The following CUL7 variants were observed in gnomAD, a reference collection of about 807,000 sequenced individuals.
The protein encoded by CUL7 is cullin-7.
Under a neutral mutation model 177.7 loss-of-function variants are expected in CUL7, and 96 were observed. The observed-to-expected ratio is 0.54, with a 90% confidence interval of 0.46 to 0.64. The LOEUF (loss-of-function observed/expected upper bound fraction) is 0.64, where lower values mean the gene tolerates loss of function less well. CUL7 is among the 30% of genes least tolerant of loss of function. The pLI is 0.00. For synonymous variants in CUL7, 824 were observed against 890.2 expected (o/e 0.93, Z 1.32); for missense variants, 1,893 against 2,187.9 (o/e 0.87, Z 2.69).
At chr6:43,048,981 G>A (rs1764174252) in intron 7 of CUL7, among the ~76,000 whole-genome samples, 1 of 151,706 alleles carries the variant, frequency 6.6e-6, no homozygotes, top group African/African-American at 2.4e-5. Flanking sequence ...ACCATGTTAG[G>A]CAGGATGATC....
rs1417070857 is a variant in CUL7, at chr6:43,052,956, G to C, written c.-8-160C>G. Among the ~76,000 whole-genome samples, 1 of 152,196 alleles carries C rather than the reference G, an allele frequency of 6.6e-6. No homozygotes were observed. Among genetic ancestry groups the C allele is most frequent in the African/African-American group, 2.4e-5 (1 of 41,454 alleles). ...CATGCTGCACGCTGGGTGGGGGCAG[G>C]CCTAAGCAGAGAACACTGGGGTGTT... On this transcript the variant is annotated intron_variant, in intron 1 of 25. Coordinates refer to ENST00000265348, the MANE Select transcript of CUL7 (RefSeq NM_014780.5). This position sits in a 1 kb window ranked among gnomAD's most constrained non-coding sequence, Gnocchi z 4.5.
At position 43,040,503 on chromosome 6, in the gene CUL7, T is replaced by C. The variant is rs776120876; in HGVS notation, c.4023+27A>G. 39 of 1,613,542 alleles carry C rather than the reference T, an allele frequency of 2.4e-5. No homozygotes were observed. Among genetic ancestry groups the C allele is most frequent in the Non-Finnish European group, 3.1e-5 (36 of 1,179,988 alleles). ...CGCCCCTCTTCCCCCTACCCTCTTATTTGCTTATCCCTTCCAAGGCACTCA... is the reference window on the plus strand; with the variant it reads ...CGCCCCTCTTCCCCCTACCCTCTTACTTGCTTATCCCTTCCAAGGCACTCA... On this transcript the variant is annotated intron_variant, in intron 21 of 25. Coordinates refer to ENST00000265348, the MANE Select transcript of CUL7 (RefSeq NM_014780.5). The surrounding 1 kb of genome is among the most constrained non-coding windows in gnomAD (Gnocchi z 4.2).
At position 43,042,815 on chromosome 6, in the gene CUL7, A is replaced by G; in HGVS notation, c.3632T>C (p.Leu1211Pro). 1 of 1,612,814 alleles carries G rather than the reference A, an allele frequency of 6.2e-7. No homozygotes were observed. Among genetic ancestry groups the G allele is most frequent in the South Asian group, 1.1e-5 (1 of 90,922 alleles). The change falls in exon 19 of 26, where the codon CTC becomes CCC. Residue 1211 changes from leucine to proline, a missense_variant. This residue lies in a region of CUL7 where 973 missense variants were observed against 1,140.9 expected (regional missense o/e 0.85). Coordinates refer to ENST00000265348, the MANE Select transcript of CUL7 (RefSeq NM_014780.5). Reference protein sequence around the residue: ...CAGALLKLPFLKAAHVSEQFA... With the variant: ...CAGALLKLPFPKAAHVSEQFA... ...GTAGAGGCTTACGTGGGCAGCTTTGAGAAAAGGGAGCTTCAGCAAGGCTCC... is the reference window on the plus strand; with the variant it reads ...GTAGAGGCTTACGTGGGCAGCTTTGGGAAAAGGGAGCTTCAGCAAGGCTCC...
chr6:43,042,657 A>G (rs1420998745), intron 19 of CUL7, 145 bp downstream of exon 19: 4 of 661,290 alleles, frequency 6.0e-6, no homozygotes, highest in Non-Finnish European at 7.9e-6. Flanking sequence ...TATTTTTTTC[A>G]ATTTTTTAAA....
rs772784080 is a variant in CUL7 at position 43,045,548 on chromosome 6, C to A, written c.2862+39G>T. On this transcript the variant is annotated intron_variant, in intron 14 of 25. Transcript: ENST00000265348. This position sits in a 1 kb window ranked among gnomAD's most constrained non-coding sequence, Gnocchi z 4.8. The stretch of plus-strand genomic sequence containing the variant: ...ATCTGCCTGTTTATGGGGCTCAGAG[C>A]CCCCTACCCAGGGCCACACCCCACA... The A allele has an allele frequency of 6.2e-7, 1 of 1,613,390 alleles. No individual in the cohort carries two copies. The highest frequency in any genetic ancestry group is 1.7e-5 in the Admixed American group (1 of 60,006).
In CUL7 at chr6:43,052,667, C is replaced by T. The variant is rs773144595; in HGVS notation, c.122G>A (p.Arg41His). 7.4e-6 allele frequency: 12 copies of T among 1,614,070 alleles called. 1 individual carries two copies. Among genetic ancestry groups the T allele is most frequent in the Non-Finnish European group, 1.0e-5 (12 of 1,180,056 alleles). ...GHDGHPEYQIRWLILRRGDEG... is the reference protein window; with the variant it reads ...GHDGHPEYQIHWLILRRGDEG... ...ATCGCCACGCCGCAGGATGAGCCAA[C>T]GGATCTGGTACTCAGGATGCCCATC... The change falls in exon 2 of 26, where the codon CGT (arginine) becomes CAT (histidine). Residue 41 changes from arginine to histidine, a missense_variant. Arg to His is a conservative substitution (Grantham distance 29). Transcript: ENST00000265348. The surrounding 1 kb of genome is among the most constrained non-coding windows in gnomAD (Gnocchi z 4.5).
rs766404282 is a variant in CUL7, at chr6:43,052,421, C to T, written c.368G>A (p.Arg123Gln). Residue 123 changes from arginine to glutamine, a missense_variant, in exon 2 of 26, where the codon CGG becomes CAG. Around this residue, in one of 5 missense-constraint regions of CUL7, gnomAD observed 653 missense variants for 725.2 expected, o/e 0.90. Transcript: ENST00000265348. This position sits in a 1 kb window ranked among gnomAD's most constrained non-coding sequence, Gnocchi z 4.5. ...DVKSLIQRAL[R>Q]QLEECVGTIP... is the part of the protein sequence containing the mutation. ...AGTGCCCACACACTCCTCCAGCTGCCGAAGGGCTCTCTGAATGAGGGACTT... is the reference window on the plus strand; with the variant it reads ...AGTGCCCACACACTCCTCCAGCTGCTGAAGGGCTCTCTGAATGAGGGACTT... 9.3e-6 allele frequency: 15 copies of T among 1,614,062 alleles called. No individual in the cohort carries two copies. Among genetic ancestry groups the T allele is most frequent in the East Asian group, 6.7e-5 (3 of 44,888 alleles).
rs1367225625 is a variant in CUL7 at position 43,037,913 on chromosome 6, G to A, written c.4872C>T (p.Cys1624=). 5 of 1,611,570 alleles carry A rather than the reference G, an allele frequency of 3.1e-6. No homozygotes were observed. Among genetic ancestry groups the A allele is most frequent in the African/African-American group, 1.3e-5 (1 of 74,852 alleles). The change falls in exon 26 of 26, where the codon TGC becomes TGT. Residue 1624 remains cysteine, a synonymous_variant. Transcript: ENST00000265348. ...SACSSTDVLS[C]ILHLLGKGTL... ...TGCCCTTGCCCAGGAGGTGTAGGATGCAGGAGAGGACGTCAGTGCTGCTGC... is the reference window on the plus strand; with the variant it reads ...TGCCCTTGCCCAGGAGGTGTAGGATACAGGAGAGGACGTCAGTGCTGCTGC...
chr6:43,042,401 C>A (rs190669196), intron 19 of CUL7, among the ~76,000 whole-genome samples: 84 of 152,016 alleles, frequency 5.5e-4, no homozygotes, highest in Non-Finnish European at 1.0e-3. Flanking sequence ...GTGGTGCAAT[C>A]TCGGCTGACT....
chr6:43,043,769 C>T lies in CUL7; in HGVS notation c.3173-139G>A. The T allele has an allele frequency of 1.4e-6, 1 of 705,608 alleles. No homozygotes were observed. Among genetic ancestry groups the T allele is most frequent in the Admixed American group, 2.0e-5 (1 of 49,252 alleles). 43.7% of individuals were successfully genotyped at this position (705,608 alleles called of 1,614,324 possible). A position where few individuals can be genotyped will look rare whatever the true frequency, so the allele number is the denominator to read the frequency against. On this transcript the variant is annotated intron_variant, in intron 16 of 25. Coordinates refer to ENST00000265348, the MANE Select transcript of CUL7 (RefSeq NM_014780.5). The surrounding 1 kb of genome is among the most constrained non-coding windows in gnomAD (Gnocchi z 4.2). ...GGGGGCCAGGTAGGGTGGTTTACGC[C>T]TGTAATCCCAGCACTTTGGGAGGCT...
In CUL7 at chr6:43,040,842, C is replaced by A. The variant is rs1763351196; in HGVS notation, c.3806+73G>T. ...TCCAGCCTGCCTCTATCCCAGACTTCCAGGCCCATGAGCTGGCTCTGCCAC... is the reference window on the plus strand; with the variant it reads ...TCCAGCCTGCCTCTATCCCAGACTTACAGGCCCATGAGCTGGCTCTGCCAC... On this transcript the variant is annotated intron_variant, in intron 20 of 25. Transcript: ENST00000265348. The surrounding 1 kb of genome is among the most constrained non-coding windows in gnomAD (Gnocchi z 4.2). 6.2e-7 allele frequency: 1 copy of A among 1,602,796 alleles called. No individual in the cohort carries two copies.
At chr6:43,038,778 T>C in intron 23 of CUL7, 64 bp downstream of exon 23, 1 of 1,613,110 alleles carries the variant, frequency 6.2e-7, no homozygotes, top group Non-Finnish European at 8.5e-7. Context: ...GGAGTCAAGG[T>C]TTTGGGAAGA....
At position 43,038,194 on chromosome 6, in the gene CUL7, C is replaced by T. The variant is rs561060076; in HGVS notation, c.4773+73G>A. On this transcript the variant is annotated intron_variant, in intron 25 of 25. Transcript: ENST00000265348. ...AACCAGGTGCCTCACCACACGTGCACCCACCTTGTCCTGTAGACTGCTCCC... is the reference window on the plus strand; with the variant it reads ...AACCAGGTGCCTCACCACACGTGCATCCACCTTGTCCTGTAGACTGCTCCC... 21 of 1,558,912 alleles carry T rather than the reference C, an allele frequency of 1.3e-5. No individual in the cohort carries two copies. In the African/African-American group the frequency reaches 1.9e-4, roughly 14 times the overall value.
chr6:43,048,219 G>A lies in CUL7; in HGVS notation c.2098C>T (p.Leu700=). ...LKQLVDFPEA[L]LLPWHEAVDA... ...ACGGCCTCGTGCCAGGGGAGCAGCA[G>A]TGCCTCGGGGAAGTCCACCAGCTGC... Residue 700 remains leucine, a synonymous_variant, in exon 9 of 26, where the codon CTG becomes TTG. Coordinates refer to ENST00000265348, the MANE Select transcript of CUL7 (RefSeq NM_014780.5). 1 of 1,614,090 alleles carries A rather than the reference G, an allele frequency of 6.2e-7. No individual in the cohort carries two copies. Among genetic ancestry groups the A allele is most frequent in the Non-Finnish European group, 8.5e-7 (1 of 1,179,936 alleles).
Position 43,050,154 on chromosome 6 carries a change from G to A in CUL7, c.1378C>T (p.Pro460Ser), listed in dbSNP as rs1204304731. 2.5e-6 allele frequency: 4 copies of A among 1,614,092 alleles called. No individual in the cohort carries two copies. The highest frequency in any genetic ancestry group is 3.4e-6 in the Non-Finnish European group (4 of 1,180,052). The change falls in exon 6 of 26, where the codon CCT becomes TCT. Residue 460 changes from proline to serine, a missense_variant. This residue lies in a region of CUL7 where 653 missense variants were observed against 725.2 expected (regional missense o/e 0.90). Coordinates refer to ENST00000265348, the MANE Select transcript of CUL7 (RefSeq NM_014780.5). The surrounding 1 kb of genome is among the most constrained non-coding windows in gnomAD (Gnocchi z 4.1). ...GTCATGGGCCTCCAGCGCCAGGCAGGCAGGGCTGTGAAAATGGGCCAAGGG... is the reference window on the plus strand; with the variant it reads ...GTCATGGGCCTCCAGCGCCAGGCAGACAGGGCTGTGAAAATGGGCCAAGGG... ...VASRVLGRAL[P>S]AWRWRPMTEL...
intron 19 of CUL7, 160 bp from the exon 20 acceptor site, chr6:43,041,235 C>A: frequency 1.5e-6 from 1 of 672,988 alleles, no homozygotes; most frequent in Non-Finnish European, 2.7e-6. Flanking sequence ...AACCATTGTA[C>A]AAATTAGCAA....
chr6:43,042,629 C>A (rs948297636), intron 19 of CUL7, among the ~76,000 whole-genome samples, 173 bp downstream of exon 19: 5 of 152,202 alleles, frequency 3.3e-5, no homozygotes, highest in African/African-American at 1.2e-4. Flanking sequence ...GCATGAGCCA[C>A]CACACCTGGC....
intron 10 of CUL7, 51 bp downstream of exon 10, chr6:43,046,829 G>A (rs367754077): frequency 7.7e-7 from 1 of 1,299,000 alleles, no homozygotes. Context: ...CACTGCTTGG[G>A]TTTCATATTC....
At chr6:43,038,069 T>C (rs559186859) in intron 25 of CUL7, 58 bp from the exon 26 acceptor site, 1 of 1,544,962 alleles carries the variant, frequency 6.5e-7, no homozygotes, top group African/African-American at 1.4e-5. Flanking sequence ...CCCTCCTTGC[T>C]TGAGCTTCCA....
Sources: allele counts gnomAD v4.1 joint callset (sites outside exome capture counted in the v4.1 genomes callset), GRCh38; gene constraint gnomAD v4.1.1; regional missense constraint gnomAD v4.1.1; non-coding constraint Gnocchi (gnomAD v3.1); transcripts MANE v1.5; gene names NCBI Gene and HGNC (gene_info 2026-07-23, HGNC 2026-07-21).